The following SMPD3 variants were observed in gnomAD, a reference collection of about 807,000 sequenced individuals.
The protein encoded by SMPD3 is nSMase-2.
A neutral mutation model predicts 55.7 loss-of-function variants in SMPD3; 21 were observed. The ratio of observed to expected loss-of-function variants is 0.38; its 90% CI spans 0.27 to 0.54. The LOEUF (loss-of-function observed/expected upper bound fraction) is 0.54, where lower values mean the gene tolerates loss of function less well. Among genes scored for constraint, SMPD3 ranks in the 20% least tolerant of loss-of-function variants. SMPD3 has a pLI of 0.80. For synonymous variants in SMPD3, 457 were observed against 404.3 expected, an observed-to-expected ratio of 1.13 and a Z score of -1.56; for missense variants, 842 against 899.6, an observed-to-expected ratio of 0.94 and a Z score of 0.82.
intron 2 of SMPD3, among the ~76,000 whole-genome samples, chr16:68,381,612 G>A (rs2089953269): frequency 1.3e-5 from 2 of 152,130 alleles, no homozygotes; most frequent in African/African-American, 4.8e-5. Context: ...TACTTAAACG[G>A]TAGATGTGGA....
chr16:68,401,552 G>A (rs2090206112), intron 1 of SMPD3, among the ~76,000 whole-genome samples: 1 of 152,022 alleles, frequency 6.6e-6, no homozygotes. Context: ...TAGAGTCAGG[G>A]TGGAGGTGGG....
chr16:68,435,136 C>G (rs202155726), intron 1 of SMPD3, among the ~76,000 whole-genome samples: 1 of 151,886 alleles, frequency 6.6e-6, no homozygotes, highest in Non-Finnish European at 1.5e-5. Flanking sequence ...AAAGACAGCC[C>G]AGCAGATCTG....
chr16:68,417,992 G>A (rs892968912), intron 1 of SMPD3, among the ~76,000 whole-genome samples: 3 of 152,186 alleles, frequency 2.0e-5, no homozygotes, highest in African/African-American at 4.8e-5. Flanking sequence ...AATACAACAA[G>A]CACATGCCTG....
rs749555332 is a variant in SMPD3, at chr16:68,363,564, G to T, written c.1646-5C>A. On this transcript the variant is annotated splice_polypyrimidine_tract_variant and splice_region_variant and intron_variant, in intron 6 of 8. Transcript: ENST00000219334. ...CGTTCGTGTCCAGCAGAGTACCTGG[G>T]GGGGACGAGGGGGTGACAGTGGTCG... 1 of 1,612,564 alleles carries T rather than the reference G, an allele frequency of 6.2e-7. No homozygotes were observed. The highest frequency in any genetic ancestry group is 1.7e-5 in the Admixed American group (1 of 59,942).
intron 2 of SMPD3, 74 bp from the exon 3 acceptor site, chr16:68,372,461 C>T: frequency 2.0e-6 from 1 of 498,406 alleles, no homozygotes; most frequent in South Asian, 2.1e-5. Context: ...GCCTTTGCCC[C>T]AGCTCATCCC....
chr16:68,374,007 C>G (rs2089743632), intron 2 of SMPD3, among the ~76,000 whole-genome samples: 1 of 152,256 alleles, frequency 6.6e-6, no homozygotes, highest in African/African-American at 2.4e-5. Context: ...ACCGGTGGCT[C>G]TCATCCCCGC....
chr16:68,424,331 C>G (rs1235463706), intron 1 of SMPD3, among the ~76,000 whole-genome samples: 1 of 152,022 alleles, frequency 6.6e-6, no homozygotes, highest in Non-Finnish European at 1.5e-5. Flanking sequence ...TTCACTTGCC[C>G]CTCCACAATG....
intron 1 of SMPD3, among the ~76,000 whole-genome samples, chr16:68,402,869 G>C (rs1007751886): frequency 6.6e-6 from 1 of 152,228 alleles, no homozygotes; most frequent in Non-Finnish European, 1.5e-5. Context: ...ACCAGTGTAT[G>C]CTGAATTAGG....
At chr16:68,369,448 TG>T (rs1456137924) in intron 3 of SMPD3, 2 of 38,542 alleles carry the variant, frequency 5.2e-5, no homozygotes, top group Non-Finnish European at 1.0e-4. Context: ...AGAAGTGGGC[TG>T]GGGTAGGGGG....
intron 1 of SMPD3, among the ~76,000 whole-genome samples, chr16:68,446,496 C>T (rs1465665066): frequency 6.6e-6 from 1 of 151,930 alleles, no homozygotes; most frequent in Non-Finnish European, 1.5e-5. Context: ...CACACACACA[C>T]ACACACACAC....
intron 1 of SMPD3, among the ~76,000 whole-genome samples, chr16:68,430,518 C>T (rs757669630): frequency 1.6e-4 from 25 of 152,192 alleles, no homozygotes; most frequent in Admixed American, 1.3e-3. Context: ...CTCTAGCTGA[C>T]CCATCCTTTC....
In SMPD3 at chr16:68,399,072, C is replaced by G. The variant is rs959437754; in HGVS notation, c.-268-12413G>C. 5.3e-5 allele frequency among the ~76,000 whole-genome samples: 8 copies of G among 152,338 alleles called. No individual in the cohort carries two copies. The South Asian group carries it at 1.0e-3, about 20-fold the overall frequency. On this transcript the variant is annotated intron_variant, in intron 1 of 8. Transcript: ENST00000219334. ...TGAGCCTGTAGTTGTTGGCTCTGAA[C>G]AAAGAGAGCAAATCCTCCCGGCCTC... is the stretch of plus-strand genomic sequence containing the variant.
chr16:68,396,166 G>T (rs1206443129), intron 1 of SMPD3, among the ~76,000 whole-genome samples: 1 of 152,182 alleles, frequency 6.6e-6, no homozygotes, highest in African/African-American at 2.4e-5. Flanking sequence ...CGCCACCAGG[G>T]CCTCCTCCTG....
intron 2 of SMPD3, among the ~76,000 whole-genome samples, chr16:68,373,629 C>T (rs1390722361): frequency 6.6e-6 from 1 of 152,180 alleles, no homozygotes; most frequent in Non-Finnish European, 1.5e-5. Context: ...TGCCTTTCCT[C>T]AGTCCCCATC....
At chr16:68,418,229 G>A (rs893092191) in intron 1 of SMPD3, among the ~76,000 whole-genome samples, 7 of 152,146 alleles carry the variant, frequency 4.6e-5, no homozygotes, top group African/African-American at 1.4e-4. Context: ...GTGTGCCGCA[G>A]CAGAAGGTCC....
intron 1 of SMPD3, among the ~76,000 whole-genome samples, chr16:68,444,647 A>G (rs889918721): frequency 2.6e-5 from 4 of 152,258 alleles, no homozygotes; most frequent in Non-Finnish European, 5.9e-5. Flanking sequence ...TGAAAGTAAT[A>G]ATGTATGAGC....
At chr16:68,409,171 C>A (rs12444619) in intron 1 of SMPD3, among the ~76,000 whole-genome samples, 115,911 of 152,210 alleles carry the variant, frequency 0.76, 44,542 homozygotes, top group East Asian at 0.88. Flanking sequence ...TCAGTTACTC[C>A]GAGCTCATTC....
chr16:68,364,485 C>T (rs1174039467), intron 5 of SMPD3: 4 of 469,920 alleles, frequency 8.5e-6, no homozygotes, highest in Middle Eastern at 1.1e-3. Context: ...GTGGACTCGT[C>T]CTTTGTCTGC....
chr16:68,360,950 T>C lies in SMPD3; in HGVS notation c.*256A>G. The C allele has an allele frequency of 2.0e-6, 1 of 489,024 alleles. No individual in the cohort carries two copies. Among genetic ancestry groups the C allele is most frequent in the East Asian group, 3.5e-5 (1 of 28,316 alleles). 30.3% of individuals were successfully genotyped at this position (489,024 alleles called of 1,614,324 possible). A position where few individuals can be genotyped will look rare whatever the true frequency, so the allele number is the denominator to read the frequency against. On this transcript the variant is annotated 3_prime_UTR_variant, in exon 9 of 9. Transcript: ENST00000219334. ...GTTACAAACTCGGTTGTGCTGTAGA[T>C]TTGTAGAAAATCGTGTTGTGAAAGA...
Sources: gnomAD v4.1 joint callset for allele counts (sites outside exome capture counted in the v4.1 genomes callset) on GRCh38, gnomAD v4.1.1 for gene constraint, MANE v1.5 for transcripts, NCBI Gene and HGNC (gene_info 2026-07-23, HGNC 2026-07-21) for gene names.